The following GFRAL variants were observed in gnomAD, a reference collection of about 807,000 sequenced individuals.
The protein encoded by GFRAL is GDNF family receptor alpha-like.
A neutral mutation model predicts 45.4 loss-of-function variants in GFRAL; 36 were observed. The observed-to-expected ratio is 0.79, with a 90% CI of 0.61 to 1.05. The LOEUF (loss-of-function observed/expected upper bound fraction) is 1.05, where lower values mean the gene tolerates loss of function less well. Among genes scored for constraint, GFRAL ranks in the 50% least tolerant of loss-of-function variants. GFRAL has a pLI of 0.00. For synonymous variants in GFRAL, 166 were observed against 154.1 expected (o/e 1.08, Z -0.57); for missense variants, 507 against 467.5 (o/e 1.08, Z -0.78).
At chr6:55,387,898 A>C (rs571685516) in intron 6 of GFRAL, among the ~76,000 whole-genome samples, 2 of 152,338 alleles carry the variant, frequency 1.3e-5, no homozygotes, top group Admixed American at 1.3e-4. Flanking sequence ...ACTCTTTGGA[A>C]AGCATTTATT....
chr6:55,360,510 A>T (rs1768259300), intron 6 of GFRAL, among the ~76,000 whole-genome samples: 1 of 151,996 alleles, frequency 6.6e-6, no homozygotes, highest in Non-Finnish European at 1.5e-5. Context: ...CCAATGTGCT[A>T]AAAATTGTGA....
At chr6:55,399,554 T>C (rs887610355) in intron 8 of GFRAL, 113 bp downstream of exon 8, 5 of 730,400 alleles carry the variant, frequency 6.8e-6, no homozygotes, top group Non-Finnish European at 1.2e-5. Context: ...AGCTTCTCTG[T>C]TAAGACATAT....
intron 4 of GFRAL, 132 bp downstream of exon 4, chr6:55,350,277 T>G: frequency 1.7e-6 from 1 of 587,594 alleles, no homozygotes; most frequent in South Asian, 2.1e-5. Flanking sequence ...TATAATAAAA[T>G]GCAGCAAAAT....
intron 3 of GFRAL, among the ~76,000 whole-genome samples, chr6:55,342,276 A>C (rs1029207869): frequency 3.6e-4 from 55 of 152,196 alleles, no homozygotes; most frequent in Non-Finnish European, 4.4e-5. Flanking sequence ...GCCAGAGAGA[A>C]AGGTTGGGTT....
chr6:55,397,424 A>G (rs1057065566), intron 6 of GFRAL, among the ~76,000 whole-genome samples: 2 of 139,204 alleles, frequency 1.4e-5, no homozygotes, highest in Non-Finnish European at 3.1e-5. Flanking sequence ...AGGCTGAGGC[A>G]GGAGAATGGC....
At chr6:55,370,672 A>G (rs878872781) in intron 6 of GFRAL, among the ~76,000 whole-genome samples, 1 of 152,304 alleles carries the variant, frequency 6.6e-6, no homozygotes, top group Admixed American at 6.5e-5. Flanking sequence ...CTCATGTCCA[A>G]TAAACCAATA....
chr6:55,343,518 A>G (rs1372584032), intron 3 of GFRAL, among the ~76,000 whole-genome samples: 3 of 152,236 alleles, frequency 2.0e-5, no homozygotes, highest in Non-Finnish European at 4.4e-5. Context: ...TCTAGGACAC[A>G]TTTAAAGCAG....
At chr6:55,388,600 C>A (rs918983447) in intron 6 of GFRAL, among the ~76,000 whole-genome samples, 4 of 152,160 alleles carry the variant, frequency 2.6e-5, no homozygotes, top group African/African-American at 9.7e-5. Flanking sequence ...TAGCTACTTC[C>A]AACACTTCTA....
At chr6:55,398,925 G>T (rs1188153137) in intron 6 of GFRAL, among the ~76,000 whole-genome samples, 1 of 151,920 alleles carries the variant, frequency 6.6e-6, no homozygotes, top group African/African-American at 2.4e-5. Flanking sequence ...AATGATTTAT[G>T]TTATAAAATA....
At chr6:55,371,733 T>G (rs1768453049) in intron 6 of GFRAL, among the ~76,000 whole-genome samples, 1 of 152,248 alleles carries the variant, frequency 6.6e-6, no homozygotes, top group Non-Finnish European at 1.5e-5. Flanking sequence ...TTTTTAGTCA[T>G]TGTCTTGTGG....
intron 6 of GFRAL, among the ~76,000 whole-genome samples, chr6:55,374,671 T>G (rs1038764295): frequency 1.3e-5 from 2 of 152,200 alleles, no homozygotes; most frequent in Non-Finnish European, 2.9e-5. Flanking sequence ...TGCAATTGCT[T>G]GTGGTGTTTT....
At chr6:55,359,189 CT>C (rs112584219) in intron 6 of GFRAL, 51 bp downstream of exon 6, 13 of 1,089,996 alleles carry the variant, frequency 1.2e-5, no homozygotes, top group Admixed American at 7.1e-5. Flanking sequence ...TATCTATCAT[CT>C]ATCTATCTAT....
At chr6:55,384,863 CAAAA>C (rs34292413) in intron 6 of GFRAL, among the ~76,000 whole-genome samples, 1 of 140,504 alleles carries the variant, frequency 7.1e-6, no homozygotes. Context: ...CAAAAAGCAG[CAAAA>C]AAAAAAAAAA....
At chr6:55,401,437 A>T (rs538340321) in intron 8 of GFRAL, among the ~76,000 whole-genome samples, 2 of 152,174 alleles carry the variant, frequency 1.3e-5, no homozygotes, top group Non-Finnish European at 2.9e-5. Flanking sequence ...GTCAAGCCCA[A>T]CCCATGTGAA....
chr6:55,367,621 T>C (rs2127359723), intron 6 of GFRAL, among the ~76,000 whole-genome samples: 1 of 151,744 alleles, frequency 6.6e-6, no homozygotes, highest in Admixed American at 6.6e-5. Flanking sequence ...TCAGGAACTC[T>C]TGTAAGGCAG....
At chr6:55,360,290 C>T (rs1003301773) in intron 6 of GFRAL, among the ~76,000 whole-genome samples, 1 of 151,958 alleles carries the variant, frequency 6.6e-6, no homozygotes, top group Non-Finnish European at 1.5e-5. Context: ...ACTACCATAT[C>T]TGCAGGTACT....
At chr6:55,331,151 G>C (rs531870584) in intron 1 of GFRAL, among the ~76,000 whole-genome samples, 2 of 152,110 alleles carry the variant, frequency 1.3e-5, no homozygotes, top group South Asian at 2.1e-4. Flanking sequence ...CAAACCATAA[G>C]AGTACATGGA....
chr6:55,367,776 C>G (rs1768385957), intron 6 of GFRAL, among the ~76,000 whole-genome samples: 1 of 152,030 alleles, frequency 6.6e-6, no homozygotes. Context: ...GGCCCCCACT[C>G]TCTTCTGGCT....
chr6:55,401,060 G>A (rs115868875), intron 8 of GFRAL, among the ~76,000 whole-genome samples: 2,585 of 152,108 alleles, frequency 0.017, 41 homozygotes, highest in South Asian at 0.034. Flanking sequence ...CTGTAACTTC[G>A]TCTTTTTTCT....
Sources: gnomAD v4.1 joint callset for allele counts (sites outside exome capture counted in the v4.1 genomes callset) on GRCh38, gnomAD v4.1.1 for gene constraint, MANE v1.5 for transcripts, NCBI Gene and HGNC (gene_info 2026-07-23, HGNC 2026-07-21) for gene names.